LCLAT1: variants seen among roughly 807,000 people sequenced by gnomAD.
LCLAT1 encodes the protein 1-AGP acyltransferase 8.
Under a neutral mutation model 30.7 loss-of-function variants are expected in LCLAT1, and 11 were observed. The ratio of observed to expected loss-of-function variants is 0.36; its 90% CI spans 0.23 to 0.59. The LOEUF (loss-of-function observed/expected upper bound fraction) is 0.59, where lower values mean the gene tolerates loss of function less well. LCLAT1 is among the 20% of genes least tolerant of loss of function. The pLI, the probability that LCLAT1 is intolerant of heterozygous loss-of-function variation, is 0.77. For synonymous variants in LCLAT1, 155 were observed against 151.3 expected (o/e 1.02, Z -0.18); for missense variants, 402 against 458.6 (o/e 0.88, Z 1.13).
chr2:30,573,166 G>GC (rs542979509), intron 5 of LCLAT1, among the ~76,000 whole-genome samples: 98 of 152,196 alleles, frequency 6.4e-4, no homozygotes, highest in African/African-American at 2.2e-3. Flanking sequence ...TTGTTGGCCC[G>GC]CCCCCCTCTG....
intron 1 of LCLAT1, among the ~76,000 whole-genome samples, chr2:30,491,418 C>G (rs1683827582): frequency 6.6e-6 from 1 of 152,160 alleles, no homozygotes; most frequent in African/African-American, 2.4e-5. Context: ...AGGTTGTTAA[C>G]TTGCTTTTAA....
In LCLAT1 at chr2:30,640,512, A is replaced by G. The variant is rs1669249703; in HGVS notation, c.1024A>G (p.Ile342Val). The G allele has an allele frequency of 6.2e-7, 1 of 1,614,138 alleles. No homozygotes were observed. Among genetic ancestry groups the G allele is most frequent in the African/African-American group, 1.3e-5 (1 of 75,046 alleles). ...GTGGTATTTTATAATCACCATTGTA[A>G]TCTTTGTGCTGCAAGAGAGAATATT... ...VKWYFIITIV[I>V]FVLQERIFGG... Residue 342 changes from isoleucine (I) to valine (V), a missense_variant, in exon 6 of 6, where the codon ATC (isoleucine) becomes GTC (valine). Ile to Val is a conservative substitution (Grantham distance 29). Transcript: ENST00000379509.
intron 1 of LCLAT1, chr2:30,476,542 C>A (rs1425790563): frequency 4.4e-6 from 2 of 455,672 alleles, no homozygotes; most frequent in African/African-American, 4.0e-5. Context: ...GAATCTAATG[C>A]CTGATGATCT....
chr2:30,632,455 T>A (rs943308303), intron 5 of LCLAT1, among the ~76,000 whole-genome samples: 7 of 152,158 alleles, frequency 4.6e-5, no homozygotes, highest in African/African-American at 1.2e-4. Flanking sequence ...CTCTAAACAG[T>A]TGCTTCTCCC....
intron 3 of LCLAT1, among the ~76,000 whole-genome samples, chr2:30,543,794 A>T (rs1664263853): frequency 6.6e-6 from 1 of 151,890 alleles, no homozygotes; most frequent in South Asian, 2.1e-4. Flanking sequence ...GAGTTTTGTC[A>T]GTTTTATTGA....
intron 1 of LCLAT1, among the ~76,000 whole-genome samples, chr2:30,518,917 C>T (rs1305939308): frequency 6.6e-6 from 1 of 152,236 alleles, no homozygotes; most frequent in African/African-American, 2.4e-5. Context: ...CATACTTGGA[C>T]ACTCTTGTCC....
intron 1 of LCLAT1, among the ~76,000 whole-genome samples, chr2:30,470,618 T>A (rs1169186284): frequency 1.3e-5 from 2 of 152,248 alleles, no homozygotes; most frequent in East Asian, 3.8e-4. Flanking sequence ...TTTCTCACTG[T>A]TATAATTTTG....
intron 1 of LCLAT1, among the ~76,000 whole-genome samples, chr2:30,523,856 G>C (rs1168596270): frequency 1.3e-5 from 2 of 152,224 alleles, no homozygotes; most frequent in African/African-American, 2.4e-5. Context: ...GACAGAGTGA[G>C]ACGCAATCTC....
chr2:30,588,748 G>A (rs563018141), intron 5 of LCLAT1, among the ~76,000 whole-genome samples: 21 of 152,030 alleles, frequency 1.4e-4, no homozygotes, highest in East Asian at 9.7e-4. Context: ...TTACAGGCAC[G>A]TGCCACCACA....
chr2:30,523,270 T>G (rs1399995459), intron 1 of LCLAT1, among the ~76,000 whole-genome samples: 2 of 150,166 alleles, frequency 1.3e-5, no homozygotes, highest in Non-Finnish European at 3.0e-5. Context: ...TTCGTAGGTT[T>G]TTTTTTTTTT....
chr2:30,517,412 T>A (rs1685233879), intron 1 of LCLAT1, among the ~76,000 whole-genome samples: 1 of 152,124 alleles, frequency 6.6e-6, no homozygotes, highest in African/African-American at 2.4e-5. Flanking sequence ...AATTTGTAAA[T>A]GGCTAGGAGG....
chr2:30,629,030 A>G (rs1668642167), intron 5 of LCLAT1, among the ~76,000 whole-genome samples: 1 of 152,240 alleles, frequency 6.6e-6, no homozygotes, highest in Non-Finnish European at 1.5e-5. Context: ...TTGACTAGAT[A>G]GAGACAAACA....
chr2:30,516,817 T>G (rs1045170680), intron 1 of LCLAT1, among the ~76,000 whole-genome samples: 2 of 152,226 alleles, frequency 1.3e-5, no homozygotes, highest in African/African-American at 4.8e-5. Context: ...ACTGGGCAGC[T>G]GTTGACCATT....
chr2:30,494,768 A>G (rs1239166649), intron 1 of LCLAT1, among the ~76,000 whole-genome samples: 2 of 151,268 alleles, frequency 1.3e-5, no homozygotes, highest in African/African-American at 4.9e-5. Flanking sequence ...TCCCCTGCTC[A>G]TGGAAAAATT....
At chr2:30,451,723 A>T (rs1234633964) in intron 1 of LCLAT1, among the ~76,000 whole-genome samples, 6 of 84,204 alleles carry the variant, frequency 7.1e-5, no homozygotes, top group African/African-American at 1.4e-4. Context: ...CAGCAGTAGA[A>T]TGGATGAGTA....
intron 1 of LCLAT1, among the ~76,000 whole-genome samples, chr2:30,453,828 T>C (rs962247573): frequency 3.9e-5 from 6 of 152,232 alleles, no homozygotes; most frequent in African/African-American, 1.4e-4. Flanking sequence ...GCCAGGTGTA[T>C]ACTGAGTTCT....
At chr2:30,578,768 T>A (rs2148463365) in intron 5 of LCLAT1, among the ~76,000 whole-genome samples, 1 of 152,298 alleles carries the variant, frequency 6.6e-6, no homozygotes, top group African/African-American at 2.4e-5. Flanking sequence ...TGTGAGTACA[T>A]GGAAATTACT....
At chr2:30,548,621 T>C (rs945571872) in intron 3 of LCLAT1, among the ~76,000 whole-genome samples, 2 of 152,136 alleles carry the variant, frequency 1.3e-5, no homozygotes, top group African/African-American at 2.4e-5. Context: ...AAATGTTTCT[T>C]ATCAGATTTA....
chr2:30,451,619 G>A (rs1723168), intron 1 of LCLAT1, among the ~76,000 whole-genome samples: 9,835 of 100,486 alleles, frequency 0.098, 574 homozygotes, highest in East Asian at 0.17. Context: ...TTATAAGATG[G>A]AACACTGCAG....
Sources: allele counts gnomAD v4.1 joint callset (sites outside exome capture counted in the v4.1 genomes callset), GRCh38; gene constraint gnomAD v4.1.1; transcripts MANE v1.5; gene names NCBI Gene and HGNC (gene_info 2026-07-23, HGNC 2026-07-21).